SYN3: variants seen among roughly 807,000 people sequenced by gnomAD.
The protein encoded by SYN3 is synapsin-3.
A neutral mutation model predicts 65.8 loss-of-function variants in SYN3; 35 were observed. That is an observed-to-expected ratio of 0.53 (90% CI 0.41 to 0.70). The LOEUF (loss-of-function observed/expected upper bound fraction) is 0.70. Among genes scored for constraint, SYN3 ranks in the 30% least tolerant of loss-of-function variants. The probability of loss-of-function intolerance (pLI) is 0.00; values close to 1 mark genes in which losing one functional copy is unlikely to be tolerated. For synonymous variants in SYN3, 270 were observed against 292.9 expected (o/e 0.92, Z 0.80); for missense variants, 680 against 749.0 (o/e 0.91, Z 1.08).
At chr22:32,537,728 A>G (rs1365098915) in intron 9 of SYN3, among the ~76,000 whole-genome samples, 1 of 152,000 alleles carries the variant, frequency 6.6e-6, no homozygotes, top group Non-Finnish European at 1.5e-5. Flanking sequence ...GGCTGGAAAG[A>G]CCTCGGACTT....
At chr22:32,523,777 T>C (rs1324154923) in intron 12 of SYN3, among the ~76,000 whole-genome samples, 3 of 152,206 alleles carry the variant, frequency 2.0e-5, no homozygotes, top group Non-Finnish European at 4.4e-5. Context: ...GGAGGGCATG[T>C]TGAAAGCCAA....
intron 6 of SYN3, among the ~76,000 whole-genome samples, chr22:32,597,298 C>A (rs543472111): frequency 2.1e-5 from 3 of 140,126 alleles, no homozygotes; most frequent in Non-Finnish European, 4.5e-5. Context: ...TCACTGCAAC[C>A]TTTGCCTCCA....
chr22:32,676,276 A>T (rs1188028324), intron 6 of SYN3, among the ~76,000 whole-genome samples: 1 of 152,152 alleles, frequency 6.6e-6, no homozygotes, highest in African/African-American at 2.4e-5. Context: ...GAAGCCAGTC[A>T]TCTCATCAGG....
At chr22:32,947,299 T>C (rs1425146605) in intron 3 of SYN3, among the ~76,000 whole-genome samples, 1 of 152,256 alleles carries the variant, frequency 6.6e-6, no homozygotes, top group Non-Finnish European at 1.5e-5. Flanking sequence ...TCTATTATCA[T>C]GGCATACTTT....
At position 32,980,629 on chromosome 22, in the gene SYN3, C is replaced by T. The variant is rs1453582467; in HGVS notation, c.369+16G>A. 1 of 1,613,712 alleles carries T rather than the reference C, an allele frequency of 6.2e-7. No homozygotes were observed. The highest frequency in any genetic ancestry group is 1.7e-5 in the Admixed American group (1 of 60,026). ...AAAGGTCAGTTGACAGTGCTAAAGA[C>T]ACAGCTCCCACCTACCTGCTCCACT... On this transcript the variant is annotated intron_variant, in intron 3 of 13. Transcript: ENST00000358763.
intron 4 of SYN3, among the ~76,000 whole-genome samples, chr22:32,902,132 C>T (rs1053813023): frequency 2.6e-5 from 4 of 152,202 alleles, no homozygotes; most frequent in Non-Finnish European, 5.9e-5. Context: ...TCCAGGCAGC[C>T]CCCTAGGTGG....
intron 3 of SYN3, among the ~76,000 whole-genome samples, chr22:32,943,357 G>C (rs2050999604): frequency 6.6e-6 from 1 of 152,180 alleles, no homozygotes; most frequent in Non-Finnish European, 1.5e-5. Context: ...AGCTTCATAA[G>C]TGAAGGAGAA....
chr22:32,615,266 C>T (rs1282341963), intron 6 of SYN3, among the ~76,000 whole-genome samples: 1 of 151,672 alleles, frequency 6.6e-6, no homozygotes, highest in Non-Finnish European at 1.5e-5. Context: ...GAAAGCCGGT[C>T]TCTACTAAAA....
chr22:32,582,039 C>T (rs1450605586), intron 7 of SYN3, among the ~76,000 whole-genome samples: 1 of 152,014 alleles, frequency 6.6e-6, no homozygotes, highest in Non-Finnish European at 1.5e-5. Flanking sequence ...ACCTTGTGAT[C>T]CACCCATCTC....
At chr22:32,692,024 A>G (rs2060667483) in intron 6 of SYN3, among the ~76,000 whole-genome samples, 1 of 151,936 alleles carries the variant, frequency 6.6e-6, no homozygotes, top group Admixed American at 6.6e-5. Context: ...TTGCAACAAA[A>G]ACAAGAAAAC....
intron 3 of SYN3, among the ~76,000 whole-genome samples, chr22:32,954,342 G>C (rs1361642546): frequency 6.6e-6 from 1 of 152,184 alleles, no homozygotes; most frequent in Non-Finnish European, 1.5e-5. Context: ...CACCTCCAGA[G>C]CTTTTAGAAG....
At chr22:32,990,300 G>C (rs9621616) in intron 2 of SYN3, among the ~76,000 whole-genome samples, 1 of 121,690 alleles carries the variant, frequency 8.2e-6, no homozygotes. Flanking sequence ...ATCCATCCAT[G>C]AATCCATCCA....
At chr22:32,673,004 G>C (rs2060392303) in intron 6 of SYN3, among the ~76,000 whole-genome samples, 2 of 152,360 alleles carry the variant, frequency 1.3e-5, no homozygotes, top group South Asian at 4.1e-4. Context: ...CCCCTTTGGA[G>C]GGCCCCAGAT....
intron 6 of SYN3, among the ~76,000 whole-genome samples, chr22:32,772,514 C>T (rs1242745781): frequency 6.6e-6 from 1 of 151,966 alleles, no homozygotes; most frequent in Non-Finnish European, 1.5e-5. Context: ...AATGATCCGC[C>T]TCCCTCCACC....
intron 6 of SYN3, among the ~76,000 whole-genome samples, chr22:32,730,835 T>A (rs2061260866): frequency 6.6e-6 from 1 of 152,214 alleles, no homozygotes; most frequent in Admixed American, 6.5e-5. Flanking sequence ...TTGCCATGTT[T>A]TGGTTTCTAG....
At chr22:32,957,075 C>T (rs1440081921) in intron 3 of SYN3, among the ~76,000 whole-genome samples, 5 of 152,168 alleles carry the variant, frequency 3.3e-5, no homozygotes, top group Non-Finnish European at 7.3e-5. Context: ...TTGGGAAGGA[C>T]TTTGGCTATG....
intron 6 of SYN3, among the ~76,000 whole-genome samples, chr22:32,694,682 G>A (rs1263831799): frequency 6.6e-6 from 1 of 152,202 alleles, no homozygotes; most frequent in South Asian, 2.1e-4. Context: ...GGGGCCAACT[G>A]TAGGTGCTAA....
intron 6 of SYN3, among the ~76,000 whole-genome samples, chr22:32,706,421 T>A (rs1421764358): frequency 6.6e-6 from 1 of 152,158 alleles, no homozygotes. Flanking sequence ...ATTTAAAGTG[T>A]TGATGCAGAA....
At chr22:32,559,969 T>C (rs2058562884) in intron 7 of SYN3, among the ~76,000 whole-genome samples, 2 of 152,314 alleles carry the variant, frequency 1.3e-5, no homozygotes, top group South Asian at 2.1e-4. Flanking sequence ...GTAACTGGTA[T>C]ATGACCTTCT....
Sources: gnomAD v4.1 joint callset for allele counts (sites outside exome capture counted in the v4.1 genomes callset) on GRCh38, gnomAD v4.1.1 for gene constraint, MANE v1.5 for transcripts, NCBI Gene and HGNC (gene_info 2026-07-23, HGNC 2026-07-21) for gene names.